Variants in GABRG3 observed in about 807,000 individuals in gnomAD.
GABRG3 encodes gamma-aminobutyric acid receptor subunit gamma-3.
GABRG3 carries 25 observed loss-of-function variants against 48.8 expected under a neutral mutation model. The observed-to-expected ratio is 0.51, with a 90% CI of 0.37 to 0.72. The LOEUF is 0.72. GABRG3 is among the 30% of genes least tolerant of loss of function. The pLI, the probability that GABRG3 is intolerant of heterozygous loss-of-function variation, is 0.00. For missense variants in GABRG3, 394 were observed against 577.9 expected (o/e 0.68, Z 3.26); for synonymous variants, 227 against 217.6 (o/e 1.04, Z -0.38).
chr15:27,527,928 T>C lies in GABRG3; in HGVS notation c.1063-5T>C. 1.3e-6 allele frequency: 2 copies of C among 1,572,622 alleles called. No homozygotes were observed. The highest frequency in any genetic ancestry group is 1.7e-6 in the Non-Finnish European group (2 of 1,155,450). ...TCCTAGTTATTTTTTCTTCTTTTCT[T>C]GTAGTTACTACATCCAGATTCCTCA... is the stretch of plus-strand genomic sequence containing the variant. On this transcript the variant is annotated splice_polypyrimidine_tract_variant and splice_region_variant and intron_variant, in intron 8 of 9. Coordinates refer to ENST00000615808, the MANE Select transcript of GABRG3 (RefSeq NM_033223.5).
chr15:27,145,571 T>C (rs868219458), intron 3 of GABRG3, among the ~76,000 whole-genome samples: 1 of 143,432 alleles, frequency 7.0e-6, no homozygotes, highest in Non-Finnish European at 1.6e-5. Context: ...TACTCTCTAT[T>C]TACTCTACTA....
chr15:27,360,656 A>G (rs550739108), intron 5 of GABRG3, among the ~76,000 whole-genome samples: 9 of 151,912 alleles, frequency 5.9e-5, no homozygotes, highest in African/African-American at 2.2e-4. Context: ...TGGGTTGGAC[A>G]CTCCCCTTCC....
At chr15:27,385,105 C>A (rs899873876) in intron 5 of GABRG3, among the ~76,000 whole-genome samples, 5 of 152,140 alleles carry the variant, frequency 3.3e-5, no homozygotes, top group African/African-American at 1.2e-4. Context: ...ATGAGGACTT[C>A]CTGACTCTGG....
At chr15:27,201,870 A>G (rs1315603253) in intron 3 of GABRG3, among the ~76,000 whole-genome samples, 1 of 152,256 alleles carries the variant, frequency 6.6e-6, no homozygotes, top group Non-Finnish European at 1.5e-5. Flanking sequence ...ATTGAATGGC[A>G]GAGAGTAAAC....
chr15:27,373,093 T>C (rs1895468556), intron 5 of GABRG3, among the ~76,000 whole-genome samples: 1 of 152,150 alleles, frequency 6.6e-6, no homozygotes, highest in Non-Finnish European at 1.5e-5. Flanking sequence ...AAGGGTGACG[T>C]GTACTAGAGA....
chr15:27,296,337 A>G (rs1209144958), intron 3 of GABRG3, among the ~76,000 whole-genome samples: 1 of 152,196 alleles, frequency 6.6e-6, no homozygotes, highest in African/African-American at 2.4e-5. Context: ...TTATGGTTAT[A>G]ACATATAGAA....
At chr15:27,283,430 G>A (rs778704137) in intron 3 of GABRG3, among the ~76,000 whole-genome samples, 6 of 152,030 alleles carry the variant, frequency 3.9e-5, no homozygotes, top group Non-Finnish European at 8.8e-5. Flanking sequence ...ATGGTGAAAC[G>A]CCATCTCTAC....
At chr15:27,152,861 ATT>A (rs1187163963) in intron 3 of GABRG3, among the ~76,000 whole-genome samples, 11 of 138,986 alleles carry the variant, frequency 7.9e-5, no homozygotes, top group South Asian at 2.3e-4. Context: ...TTTCGAGTTA[ATT>A]TTTTTTTTTT....
chr15:27,351,908 A>T (rs1470074832), intron 5 of GABRG3, among the ~76,000 whole-genome samples: 1 of 128,358 alleles, frequency 7.8e-6, no homozygotes. Flanking sequence ...GTATGTATGT[A>T]TAGTGTGTGT....
intron 5 of GABRG3, among the ~76,000 whole-genome samples, chr15:27,385,693 C>G (rs540747127): frequency 1.3e-4 from 20 of 152,174 alleles, no homozygotes; most frequent in African/African-American, 4.6e-4. Flanking sequence ...ATTTACTGTC[C>G]TTTCAAATCC....
intron 3 of GABRG3, among the ~76,000 whole-genome samples, chr15:27,325,951 C>T (rs746668657): frequency 6.6e-6 from 1 of 152,178 alleles, no homozygotes; most frequent in African/African-American, 2.4e-5. Context: ...AAATCCCTTA[C>T]AATCAGCCTC....
intron 5 of GABRG3, among the ~76,000 whole-genome samples, chr15:27,464,980 A>C (rs773472452): frequency 1.1e-4 from 16 of 152,232 alleles, no homozygotes; most frequent in Admixed American, 5.2e-4. Flanking sequence ...AACAATTTCA[A>C]ATTAATAAAT....
chr15:27,180,084 C>T lies in GABRG3; in HGVS notation c.271-146725C>T, dbSNP rs1887878009. Among the ~76,000 whole-genome samples the T allele has an allele frequency of 6.6e-6, 1 of 152,162 alleles. No homozygotes were observed. The highest frequency in any genetic ancestry group is 1.5e-5 in the Non-Finnish European group (1 of 68,036). On this transcript the variant is annotated intron_variant, in intron 3 of 9. Transcript: ENST00000615808. This position sits in a 1 kb window ranked among gnomAD's most constrained non-coding sequence, Gnocchi z 4.2. ...CATCTCTGTGAGTCTTGGCCTTCCC[C>T]AGGAGACTGTGGGGCTCGTTGCACT...
chr15:27,443,786 G>A (rs903079445), intron 5 of GABRG3, among the ~76,000 whole-genome samples: 1 of 152,130 alleles, frequency 6.6e-6, no homozygotes, highest in Non-Finnish European at 1.5e-5. Flanking sequence ...GGAGGGTTTT[G>A]TCAGGTACCC....
chr15:27,348,154 T>TGAAAAAAAAAAAAAAAAA (rs1263629016), intron 5 of GABRG3, among the ~76,000 whole-genome samples: 1 of 14,080 alleles, frequency 7.1e-5, no homozygotes, highest in African/African-American at 4.6e-4. Context: ...AGACTCCATC[T>TGAAAAAAAAAAAAAAAAA]CAAATAAATA....
chr15:27,459,762 A>G (rs1169507736), intron 5 of GABRG3, among the ~76,000 whole-genome samples: 2 of 152,130 alleles, frequency 1.3e-5, no homozygotes, highest in African/African-American at 4.8e-5. Flanking sequence ...ACACACACCC[A>G]CACTTCCTTG....
intron 3 of GABRG3, among the ~76,000 whole-genome samples, chr15:27,247,442 C>T (rs983841924): frequency 1.3e-5 from 2 of 152,128 alleles, no homozygotes; most frequent in African/African-American, 4.8e-5. Flanking sequence ...GGTGTGGCTG[C>T]AGCCACACTG....
intron 5 of GABRG3, among the ~76,000 whole-genome samples, chr15:27,337,289 A>G (rs1365937073): frequency 2.6e-5 from 4 of 152,186 alleles, no homozygotes; most frequent in Non-Finnish European, 4.4e-5. Flanking sequence ...CACCGATACA[A>G]TTTTAGATTT....
At chr15:27,341,808 C>T (rs1278978408) in intron 5 of GABRG3, among the ~76,000 whole-genome samples, 2 of 152,156 alleles carry the variant, frequency 1.3e-5, no homozygotes, top group Admixed American at 6.6e-5. Flanking sequence ...GAGATGTACA[C>T]GGCTGCAGCA....
Sources: allele counts gnomAD v4.1 joint callset (sites outside exome capture counted in the v4.1 genomes callset), GRCh38; gene constraint gnomAD v4.1.1; non-coding constraint Gnocchi (gnomAD v3.1); transcripts MANE v1.5; gene names NCBI Gene and HGNC (gene_info 2026-07-23, HGNC 2026-07-21).